Variants in HTT observed in about 807,000 individuals in gnomAD.
HTT encodes huntington disease protein.
HTT carries 104 observed loss-of-function variants against 362.3 expected under a neutral mutation model. That is an observed-to-expected ratio of 0.29 (90% CI 0.24 to 0.34). The LOEUF (loss-of-function observed/expected upper bound fraction) is 0.34, where lower values mean the gene tolerates loss of function less well. Among genes scored for constraint, HTT ranks in the 10% least tolerant of loss-of-function variants. The probability of loss-of-function intolerance (pLI) is 1.00; values close to 1 mark genes in which losing one functional copy is unlikely to be tolerated. For synonymous variants in HTT, 1,577 were observed against 1,548.7 expected (o/e 1.02, Z -0.43); for missense variants, 3,301 against 3,928.6 (o/e 0.84, Z 4.27).
intron 33 of HTT, among the ~76,000 whole-genome samples, chr4:3,176,351 G>A (rs1010396668): frequency 4.6e-5 from 7 of 152,196 alleles, no homozygotes; most frequent in Non-Finnish European, 2.9e-5. Flanking sequence ...AATGAAGGAG[G>A]CATCAAGGGG....
rs565668523 is a variant in HTT, at chr4:3,100,819, C to A, written c.468+1425C>A. On this transcript the variant is annotated intron_variant, in intron 3 of 66. Coordinates refer to ENST00000355072, the MANE Select transcript of HTT (RefSeq NM_001388492.1). ...CACGGCTCATTGCAGCCTTGAGCTA[C>A]CGGGCTCAAGCTATCCTCCTGGCTT... Among the ~76,000 whole-genome samples, 3 of 152,312 alleles carry A rather than the reference C, an allele frequency of 2.0e-5. No homozygotes were observed. In the East Asian group the frequency reaches 5.8e-4, roughly 29 times the overall value.
chr4:3,173,149 A>G lies in HTT; in HGVS notation c.4166+18A>G. 6.2e-7 allele frequency: 1 copy of G among 1,600,260 alleles called. No homozygotes were observed. The highest frequency in any genetic ancestry group is 8.6e-7 in the Non-Finnish European group (1 of 1,168,224). On this transcript the variant is annotated intron_variant, in intron 31 of 66. Transcript: ENST00000355072. The stretch of plus-strand genomic sequence containing the variant: ...ACCTCGGGGTAACAGTTGTGGCAAG[A>G]ATGCTGTCGTTGGTGGAAGCACGAA...
At chr4:3,133,307 C>G (rs1348916470) in intron 18 of HTT, among the ~76,000 whole-genome samples, 1 of 149,824 alleles carries the variant, frequency 6.7e-6, no homozygotes, top group African/African-American at 2.5e-5. Context: ...ATAGTTGACC[C>G]TGTCCCTACA....
intron 29 of HTT, among the ~76,000 whole-genome samples, chr4:3,169,444 G>A (rs1401290544): frequency 6.6e-6 from 1 of 152,102 alleles, no homozygotes; most frequent in Non-Finnish European, 1.5e-5. Context: ...GCTCTTTTCA[G>A]TGTTTGATTG....
At chr4:3,185,791 T>C (rs1287611433) in intron 37 of HTT, among the ~76,000 whole-genome samples, 1 of 152,116 alleles carries the variant, frequency 6.6e-6, no homozygotes, top group Non-Finnish European at 1.5e-5. Flanking sequence ...TGTGCGCCTG[T>C]AGTCCTGGCT....
chr4:3,220,396 T>C, intron 53 of HTT, 88 bp downstream of exon 53: 1 of 1,339,578 alleles, frequency 7.5e-7, no homozygotes, highest in African/African-American at 1.5e-5. Context: ...ATCTTCTCAT[T>C]TGACTCCAGA....
chr4:3,078,847 G>T (rs1172811759), intron 1 of HTT, among the ~76,000 whole-genome samples: 1 of 151,846 alleles, frequency 6.6e-6, no homozygotes, highest in Admixed American at 6.6e-5. Flanking sequence ...CCATTCTCCT[G>T]CCTCAGTCTC....
At chr4:3,213,828 T>C (rs1720271722) in intron 49 of HTT, 130 bp from the exon 50 acceptor site, 1 of 708,812 alleles carries the variant, frequency 1.4e-6, no homozygotes, top group Non-Finnish European at 2.2e-6. Context: ...GAGCTGTCCT[T>C]CTGGAAGGGC....
At position 3,240,705 on chromosome 4, in the gene HTT, T is replaced by G. The variant is rs1354939984; in HGVS notation, c.*646T>G. On this transcript the variant is annotated 3_prime_UTR_variant, in exon 67 of 67. Transcript: ENST00000355072. Reference sequence around the variant, plus strand: ...AGTATGTGAATCGCAAGGCCTGTGCTGCATGCGACAGCGTCCGGGGTGGTG... The same window carrying G: ...AGTATGTGAATCGCAAGGCCTGTGCGGCATGCGACAGCGTCCGGGGTGGTG... The G allele has an allele frequency of 6.5e-6, 1 of 153,586 alleles. No individual in the cohort carries two copies. Among genetic ancestry groups the G allele is most frequent in the East Asian group, 1.9e-4 (1 of 5,208 alleles). The allele number at this position is 153,586 out of a possible 1,614,324, so 9.5% of individuals were successfully genotyped here. A position where few individuals can be genotyped will look rare whatever the true frequency, so the allele number is the denominator to read the frequency against.
chr4:3,208,916 G>A lies in HTT; in HGVS notation c.6291+5G>A, dbSNP rs1720002336. 1 of 1,606,600 alleles carries A rather than the reference G, an allele frequency of 6.2e-7. No homozygotes were observed. The highest frequency in any genetic ancestry group is 1.7e-5 in the Admixed American group (1 of 58,794). On this transcript the variant is annotated splice_donor_5th_base_variant and intron_variant, in intron 46 of 66. Coordinates refer to ENST00000355072, the MANE Select transcript of HTT (RefSeq NM_001388492.1). ...GAAACAGTGAGTCCGGACAAAGTAA[G>A]TGTCCAGCGTGTCTGCATGGGAGGC...
chr4:3,199,092 G>C (rs1004167659), intron 40 of HTT, among the ~76,000 whole-genome samples: 1 of 152,202 alleles, frequency 6.6e-6, no homozygotes, highest in Non-Finnish European at 1.5e-5. Flanking sequence ...GCAGTGATTC[G>C]AGGCGCTGAG....
At chr4:3,141,235 A>T (rs1716330477) in intron 22 of HTT, among the ~76,000 whole-genome samples, 1 of 152,220 alleles carries the variant, frequency 6.6e-6, no homozygotes, top group South Asian at 2.1e-4. Context: ...TGCAGAAGTG[A>T]TAAGACTTGT....
At chr4:3,141,808 T>C (rs1716360840) in intron 22 of HTT, among the ~76,000 whole-genome samples, 1 of 152,162 alleles carries the variant, frequency 6.6e-6, no homozygotes, top group African/African-American at 2.4e-5. Flanking sequence ...AGACATTTTT[T>C]TGGCCACCTT....
In HTT at chr4:3,131,705, T is replaced by A. The variant is rs752225360; in HGVS notation, c.2166T>A (p.Ala722=). 1 of 1,614,088 alleles carries A rather than the reference T, an allele frequency of 6.2e-7. No homozygotes were observed. Among genetic ancestry groups the A allele is most frequent in the Non-Finnish European group, 8.5e-7 (1 of 1,179,954 alleles). ...KALALSCVGA[A]VALHPESFFS... The stretch of plus-strand genomic sequence containing the variant: ...TGGCCCTCAGCTGTGTGGGAGCAGC[T>A]GTGGCCCTCCACCCGGAATCTTTCT... The change falls in exon 16 of 67, where the codon GCT becomes GCA. Residue 722 remains alanine (A), a synonymous_variant. Coordinates refer to ENST00000355072, the MANE Select transcript of HTT (RefSeq NM_001388492.1).
rs145360257 is a variant in HTT, at chr4:3,152,028, A to C, written c.3499-2265A>C. On this transcript the variant is annotated intron_variant, in intron 26 of 66. Transcript: ENST00000355072. Reference sequence around the variant, plus strand: ...CTGCGGCCTCGATCTCCCAGGCTCAAGTGATCCTTCTGCCTCAGCCTTCTC... The same window carrying C: ...CTGCGGCCTCGATCTCCCAGGCTCACGTGATCCTTCTGCCTCAGCCTTCTC... Among the ~76,000 whole-genome samples the C allele has an allele frequency of 1.4e-3, 220 of 152,152 alleles. 1 individual carries two copies. Among genetic ancestry groups the C allele is most frequent in the African/African-American group, 5.1e-3 (212 of 41,516 alleles).
intron 37 of HTT, 44 bp downstream of exon 37, chr4:3,182,514 G>A: frequency 8.1e-7 from 1 of 1,235,920 alleles, no homozygotes; most frequent in Non-Finnish European, 1.2e-6. Flanking sequence ...AGTGATGGTA[G>A]CTTAAGGTCC....
At chr4:3,136,114 G>A in intron 20 of HTT, 112 bp from the exon 21 acceptor site, 1 of 891,792 alleles carries the variant, frequency 1.1e-6, no homozygotes, top group Non-Finnish European at 1.8e-6. Context: ...CTTGTCATAT[G>A]GATTTAAGTC....
At chr4:3,235,799 C>T (rs773759833) in intron 63 of HTT, 21 bp downstream of exon 63, 51 of 1,576,126 alleles carry the variant, frequency 3.2e-5, no homozygotes, top group Non-Finnish European at 4.3e-5. Context: ...ACACGGTGCC[C>T]ATAAGGCCAG....
chr4:3,120,396 G>A (rs1188606461), intron 8 of HTT, among the ~76,000 whole-genome samples: 2 of 152,192 alleles, frequency 1.3e-5, no homozygotes, highest in Non-Finnish European at 2.9e-5. Flanking sequence ...AATTCATTAT[G>A]TTCATATAAT....
Sources: gnomAD v4.1 joint callset for allele counts (sites outside exome capture counted in the v4.1 genomes callset) on GRCh38, gnomAD v4.1.1 for gene constraint, MANE v1.5 for transcripts, NCBI Gene and HGNC (gene_info 2026-07-23, HGNC 2026-07-21) for gene names.